The following NEK10 variants were observed in gnomAD, a reference collection of about 807,000 sequenced individuals.
NEK10 encodes serine/threonine-protein kinase Nek10.
A neutral mutation model predicts 159.8 loss-of-function variants in NEK10; 122 were observed. That is an observed-to-expected ratio of 0.76 (90% CI 0.66 to 0.89). The LOEUF (loss-of-function observed/expected upper bound fraction) is 0.89, where lower values mean the gene tolerates loss of function less well. NEK10 is among the 40% of genes least tolerant of loss of function. NEK10 has a pLI of 0.00. For synonymous variants in NEK10, 466 were observed against 457.1 expected (o/e 1.02, Z -0.25); for missense variants, 1,342 against 1,323.1 (o/e 1.01, Z -0.22).
intron 33 of NEK10, among the ~76,000 whole-genome samples, chr3:27,117,625 T>C (rs949904070): frequency 3.3e-5 from 5 of 152,232 alleles, no homozygotes. Context: ...ATAAATGTCT[T>C]CATTTGAGTA....
At position 27,292,879 on chromosome 3, in the gene NEK10, A is replaced by G. The variant is rs1037913498; in HGVS notation, c.1373+709T>C. On this transcript the variant is annotated intron_variant, in intron 16 of 35. Transcript: ENST00000691995. ...CTCCATGCTTTCTGCACTTGATCTC[A>G]GCCAAAAGGCCGAAAAGTGACGCTC... Among the ~76,000 whole-genome samples, 4 of 152,316 alleles carry G rather than the reference A, an allele frequency of 2.6e-5. 1 individual carries two copies. Among genetic ancestry groups the G allele is most frequent in the African/African-American group, 7.2e-5 (3 of 41,574 alleles).
intron 5 of NEK10, among the ~76,000 whole-genome samples, chr3:27,341,717 T>C (rs145310999): frequency 3.5e-3 from 540 of 152,150 alleles, no homozygotes; most frequent in African/African-American, 0.012. Flanking sequence ...AAATCAATCT[T>C]AGGAAAACAC....
chr3:27,232,812 A>G (rs950525570), intron 23 of NEK10, among the ~76,000 whole-genome samples: 1 of 152,110 alleles, frequency 6.6e-6, no homozygotes, highest in African/African-American at 2.4e-5. Flanking sequence ...AATTGGGGGA[A>G]AGGATACACT....
At chr3:27,271,149 TTCTATCTA>T (rs72089289) in intron 22 of NEK10, among the ~76,000 whole-genome samples, 14,131 of 148,038 alleles carry the variant, frequency 0.095, 674 homozygotes, top group Middle Eastern at 0.14. Flanking sequence ...TCTATCTATC[TTCTATCTA>T]TCTATCTATC....
At chr3:27,222,321 C>T (rs780036706) in intron 23 of NEK10, among the ~76,000 whole-genome samples, 7 of 152,096 alleles carry the variant, frequency 4.6e-5, no homozygotes, top group African/African-American at 9.7e-5. Flanking sequence ...GGCAGTGAGC[C>T]GAGATCATGC....
chr3:27,332,130 A>C (rs2046463126), intron 5 of NEK10, among the ~76,000 whole-genome samples: 2 of 152,174 alleles, frequency 1.3e-5, no homozygotes, highest in South Asian at 4.1e-4. Context: ...AATAATACCA[A>C]ATTTCATATT....
At chr3:27,294,499 T>TA (rs1163080404) in intron 15 of NEK10, among the ~76,000 whole-genome samples, 2 of 152,306 alleles carry the variant, frequency 1.3e-5, no homozygotes, top group South Asian at 2.1e-4. Context: ...TCTGGAATTC[T>TA]AAAAAACCCT....
At chr3:27,239,121 A>G (rs964356370) in intron 23 of NEK10, among the ~76,000 whole-genome samples, 3 of 152,102 alleles carry the variant, frequency 2.0e-5, no homozygotes, top group African/African-American at 7.2e-5. Context: ...TGCAGTGGAA[A>G]GGGGCCAATC....
chr3:27,123,999 G>C (rs1941640133), intron 32 of NEK10, among the ~76,000 whole-genome samples: 1 of 151,972 alleles, frequency 6.6e-6, no homozygotes, highest in African/African-American at 2.4e-5. Context: ...TGAGTTCCTT[G>C]AAGGATTTTC....
chr3:27,262,835 C>G (rs1233558316), intron 22 of NEK10, among the ~76,000 whole-genome samples: 2 of 152,212 alleles, frequency 1.3e-5, no homozygotes, highest in Non-Finnish European at 2.9e-5. Context: ...CTCAACTCGT[C>G]AAAGTCATTC....
At position 27,328,753 on chromosome 3, in the gene NEK10, T is replaced by A. The variant is rs556151392; in HGVS notation, c.363-6492A>T. ...TAAATTCAACGTTGAGAACAGAGTA[T>A]AAAGAGCCAAGCATCAAAAGCAGGG... On this transcript the variant is annotated intron_variant, in intron 5 of 35. Coordinates refer to ENST00000691995, the MANE Select transcript of NEK10 (RefSeq NM_001394966.1). 1.5e-4 allele frequency among the ~76,000 whole-genome samples: 23 copies of A among 152,106 alleles called. 1 individual carries two copies. The highest frequency in any genetic ancestry group is 3.4e-3 in the Middle Eastern group (1 of 292).
intron 19 of NEK10, 77 bp from the exon 20 acceptor site, chr3:27,287,820 T>G: frequency 1.5e-6 from 2 of 1,372,768 alleles, no homozygotes; most frequent in East Asian, 2.7e-5. Context: ...TTAGTTGGAC[T>G]TCATATTTGA....
Position 27,352,364 on chromosome 3 carries a change from A to C in NEK10, c.132+101T>G, listed in dbSNP as rs537549877. 2.4e-4 allele frequency: 186 copies of C among 786,582 alleles called. 1 individual carries two copies. Among genetic ancestry groups the C allele is most frequent in the Non-Finnish European group, 3.5e-4 (160 of 452,340 alleles). The allele number at this position is 786,582 out of a possible 1,614,324, so 48.7% of individuals were successfully genotyped here. A position where few individuals can be genotyped will look rare whatever the true frequency, so the allele number is the denominator to read the frequency against. On this transcript the variant is annotated intron_variant, in intron 3 of 35. Transcript: ENST00000691995. ...AGAGCAAAGATGTGAATAATGAGCA[A>C]AGAAAAGCAGACATATCATTCATAG...
Position 27,249,325 on chromosome 3 carries a change from A to T in NEK10, c.2090+6971T>A, listed in dbSNP as rs557572876. Among the ~76,000 whole-genome samples, 12 of 152,338 alleles carry T rather than the reference A, an allele frequency of 7.9e-5. No homozygotes were observed. In the South Asian group the frequency reaches 2.5e-3, roughly 32 times the overall value. On this transcript the variant is annotated intron_variant, in intron 23 of 35. Transcript: ENST00000691995. ...TAGTTCTTTATAGCAGTTTGAAAAC[A>T]GACTAATACAATTATATTTTTGTCC...
intron 23 of NEK10, among the ~76,000 whole-genome samples, chr3:27,212,082 T>C (rs1951057853): frequency 1.3e-5 from 2 of 152,214 alleles, no homozygotes; most frequent in Admixed American, 1.3e-4. Context: ...AGTTTTAAGA[T>C]AAAGATTACA....
At chr3:27,221,357 T>C (rs952825978) in intron 23 of NEK10, among the ~76,000 whole-genome samples, 3 of 152,224 alleles carry the variant, frequency 2.0e-5, no homozygotes, top group Non-Finnish European at 4.4e-5. Flanking sequence ...ACAAAGTTGT[T>C]AAACTTCATG....
chr3:27,292,825 G>A (rs922494492), intron 16 of NEK10, among the ~76,000 whole-genome samples: 3 of 149,752 alleles, frequency 2.0e-5, no homozygotes, highest in Non-Finnish European at 3.0e-5. Context: ...AATCCAAACA[G>A]TATAGAAATA....
intron 22 of NEK10, among the ~76,000 whole-genome samples, chr3:27,256,914 T>C (rs904151603): frequency 9.1e-5 from 7 of 77,228 alleles, no homozygotes; most frequent in Admixed American, 1.7e-4. Flanking sequence ...TTTTCTCTCT[T>C]TTTTTTTTTT....
chr3:27,255,243 C>T (rs1221558055), intron 23 of NEK10: 3 of 411,250 alleles, frequency 7.3e-6, no homozygotes, highest in Non-Finnish European at 1.5e-5. Flanking sequence ...ATCATATAAG[C>T]TTGCAGCTTA....
Sources: allele counts gnomAD v4.1 joint callset (sites outside exome capture counted in the v4.1 genomes callset), GRCh38; gene constraint gnomAD v4.1.1; transcripts MANE v1.5; gene names NCBI Gene and HGNC (gene_info 2026-07-23, HGNC 2026-07-21).